SLC35F4: variants seen among roughly 807,000 people sequenced by gnomAD.
SLC35F4 encodes solute carrier family 35 member F4.
Under a neutral mutation model 44.2 loss-of-function variants are expected in SLC35F4, and 24 were observed. The ratio of observed to expected loss-of-function variants is 0.54; its 90% CI spans 0.39 to 0.76. The LOEUF is 0.76. Ranked by LOEUF, SLC35F4 falls within the 30% of genes least tolerant of loss-of-function variation. SLC35F4 has a pLI of 0.00. For synonymous variants in SLC35F4, 238 were observed against 223.6 expected (o/e 1.06, Z -0.57); for missense variants, 562 against 586.1 (o/e 0.96, Z 0.42).
At chr14:57,714,608 G>T (rs1410614795) in intron 1 of SLC35F4, among the ~76,000 whole-genome samples, 1 of 152,030 alleles carries the variant, frequency 6.6e-6, no homozygotes, top group Non-Finnish European at 1.5e-5. Context: ...GATATTGCCT[G>T]CCTGAGTGCA....
intron 1 of SLC35F4, among the ~76,000 whole-genome samples, chr14:57,819,665 T>C (rs1566880141): frequency 6.6e-6 from 1 of 150,762 alleles, no homozygotes. Context: ...ATACAAAAAT[T>C]AGCCAGGCAT....
intron 1 of SLC35F4, among the ~76,000 whole-genome samples, chr14:57,723,666 G>A (rs150218299): frequency 0.013 from 2,036 of 152,336 alleles, 24 homozygotes; most frequent in South Asian, 0.058. Context: ...AAGGCCCACC[G>A]GAAGTAATGT....
intron 1 of SLC35F4, among the ~76,000 whole-genome samples, chr14:57,890,866 A>G (rs1343309331): frequency 6.6e-6 from 1 of 152,230 alleles, no homozygotes; most frequent in Non-Finnish European, 1.5e-5. Flanking sequence ...AATATAAAAC[A>G]TATTGGCAAA....
intron 1 of SLC35F4, among the ~76,000 whole-genome samples, chr14:57,667,426 T>C (rs909799919): frequency 1.3e-5 from 2 of 151,634 alleles, no homozygotes; most frequent in Non-Finnish European, 2.9e-5. Flanking sequence ...GTTGGTGTGC[T>C]GCACCCATTA....
intron 1 of SLC35F4, among the ~76,000 whole-genome samples, chr14:57,906,052 C>T (rs965667891): frequency 2.6e-5 from 4 of 152,204 alleles, no homozygotes; most frequent in South Asian, 2.1e-4. Flanking sequence ...CCAGAACACA[C>T]GTCTAGCACT....
intron 1 of SLC35F4, among the ~76,000 whole-genome samples, chr14:57,628,092 A>G (rs1566702784): frequency 6.6e-6 from 1 of 152,060 alleles, no homozygotes; most frequent in East Asian, 1.9e-4. Flanking sequence ...TTCCTTGTCT[A>G]CGTACATTTT....
chr14:57,979,496 G>A (rs1434645822), intron 1 of SLC35F4, among the ~76,000 whole-genome samples: 1 of 152,150 alleles, frequency 6.6e-6, no homozygotes, highest in Admixed American at 6.5e-5. Flanking sequence ...GCCTTGTCTT[G>A]AGCCACAAAA....
chr14:57,599,623 C>T (rs528263237), intron 1 of SLC35F4, among the ~76,000 whole-genome samples: 1 of 152,004 alleles, frequency 6.6e-6, no homozygotes, highest in South Asian at 2.1e-4. Context: ...AGGTGGATCA[C>T]CTGAGGTCAG....
At chr14:57,620,937 T>C (rs995552314) in intron 1 of SLC35F4, among the ~76,000 whole-genome samples, 2 of 151,916 alleles carry the variant, frequency 1.3e-5, no homozygotes, top group Non-Finnish European at 2.9e-5. Flanking sequence ...CAGCCCAAAA[T>C]CTCCTTAAGC....
chr14:57,860,329 G>C (rs566867491), intron 1 of SLC35F4, among the ~76,000 whole-genome samples: 10 of 152,222 alleles, frequency 6.6e-5, no homozygotes, highest in African/African-American at 1.9e-4. Context: ...AGGTACAAAG[G>C]CACAAAACAA....
chr14:57,675,265 A>G (rs11622846), intron 1 of SLC35F4, among the ~76,000 whole-genome samples: 3 of 151,936 alleles, frequency 2.0e-5, no homozygotes, highest in Non-Finnish European at 4.4e-5. Flanking sequence ...TATATCACAC[A>G]AAAGACTAAA....
chr14:57,632,250 A>C (rs1304784851), intron 1 of SLC35F4, among the ~76,000 whole-genome samples: 1 of 152,120 alleles, frequency 6.6e-6, no homozygotes, highest in Non-Finnish European at 1.5e-5. Flanking sequence ...TGTGGGGTTA[A>C]ATTTTGCATT....
chr14:57,949,664 T>G (rs2141079374), intron 1 of SLC35F4, among the ~76,000 whole-genome samples: 1 of 152,320 alleles, frequency 6.6e-6, no homozygotes, highest in South Asian at 2.1e-4. Flanking sequence ...TGGTGTACTC[T>G]GAGGTTTTCT....
intron 1 of SLC35F4, among the ~76,000 whole-genome samples, chr14:57,762,706 T>G (rs73289973): frequency 0.054 from 8,258 of 152,188 alleles, 278 homozygotes; most frequent in African/African-American, 0.096. Context: ...GATAAAAGGA[T>G]GAGTTCAGCG....
At chr14:57,657,938 CCTCT>C (rs1162181354) in intron 1 of SLC35F4, among the ~76,000 whole-genome samples, 1 of 152,142 alleles carries the variant, frequency 6.6e-6, no homozygotes, top group Non-Finnish European at 1.5e-5. Flanking sequence ...AGTTATTTAA[CCTCT>C]CTGAGTCTCA....
intron 7 of SLC35F4, among the ~76,000 whole-genome samples, chr14:57,564,697 G>A (rs918717644): frequency 2.0e-5 from 3 of 152,084 alleles, no homozygotes; most frequent in Non-Finnish European, 2.9e-5. Flanking sequence ...AGCCAAACAT[G>A]TTAGTGTCTA....
intron 1 of SLC35F4, among the ~76,000 whole-genome samples, chr14:57,783,949 T>C (rs2077692882): frequency 6.6e-6 from 1 of 152,144 alleles, no homozygotes; most frequent in African/African-American, 2.4e-5. Context: ...ATGCTGTCGT[T>C]GATATAGAAA....
intron 1 of SLC35F4, among the ~76,000 whole-genome samples, chr14:57,940,640 C>A (rs578241112): frequency 6.6e-6 from 1 of 152,284 alleles, no homozygotes; most frequent in South Asian, 2.1e-4. Context: ...AGGCGGCAGC[C>A]TAATTTTGCC....
intron 1 of SLC35F4, among the ~76,000 whole-genome samples, chr14:57,824,876 C>T (rs968638550): frequency 2.6e-5 from 4 of 152,016 alleles, no homozygotes; most frequent in South Asian, 2.1e-4. Flanking sequence ...AGAAAGCTAT[C>T]GGAGGAACTG....
Sources: gnomAD v4.1 joint callset for allele counts (sites outside exome capture counted in the v4.1 genomes callset) on GRCh38, gnomAD v4.1.1 for gene constraint, MANE v1.5 for transcripts, NCBI Gene and HGNC (gene_info 2026-07-23, HGNC 2026-07-21) for gene names.